COMMD1: variants seen among roughly 807,000 people sequenced by gnomAD.
COMMD1 encodes copper metabolism domain containing 1.
COMMD1 carries 10 observed loss-of-function variants against 17.2 expected under a neutral mutation model. The ratio of observed to expected loss-of-function variants is 0.58; its 90% CI spans 0.36 to 0.99. The LOEUF is 0.99. COMMD1 is among the 50% of genes least tolerant of loss of function. The pLI, the probability that COMMD1 is intolerant of heterozygous loss-of-function variation, is 0.01. For missense variants in COMMD1, 270 were observed against 231.8 expected (o/e 1.17, Z -1.07); for synonymous variants, 97 against 91.6 (o/e 1.06, Z -0.34).
At chr2:61,903,756 GGTCTC>G (rs1367709154), upstream of COMMD1, among the ~76,000 whole-genome samples, 2 of 151,748 alleles carry the variant, frequency 1.3e-5, no homozygotes, top group Non-Finnish European at 2.9e-5. Context: ...TGGCCAGGCT[GGTCTC>G]GATCTCCTGA....
chr2:62,036,051 C>A (rs1402673133), intron 2 of COMMD1, among the ~76,000 whole-genome samples: 1 of 142,146 alleles, frequency 7.0e-6, no homozygotes, highest in Non-Finnish European at 1.5e-5. Context: ...GAGACCCTGT[C>A]TCTCACACAC....
At chr2:61,916,381 C>T (rs955826010) in intron 1 of COMMD1, among the ~76,000 whole-genome samples, 3 of 152,102 alleles carry the variant, frequency 2.0e-5, no homozygotes, top group Non-Finnish European at 4.4e-5. Flanking sequence ...CTTTCAGACA[C>T]AAGGTGGAGT....
In COMMD1 at chr2:62,095,683, A is replaced by G. The variant is rs189127063; in HGVS notation, c.463-40148A>G. Among the ~76,000 whole-genome samples the G allele has an allele frequency of 5.3e-3, 796 of 151,384 alleles. 6 individuals are homozygous for G. The highest frequency in any genetic ancestry group is 0.018 in the African/African-American group (758 of 41,136). Reference sequence around the variant, plus strand: ...TGACTCAGAATCCCTTGCTACTGTTAGTGAAAACCTAAATAACAAGATAAT... The same window carrying G: ...TGACTCAGAATCCCTTGCTACTGTTGGTGAAAACCTAAATAACAAGATAAT... On this transcript the variant is annotated intron_variant, in intron 2 of 2. Transcript: ENST00000311832.
chr2:61,911,096 AT>A lies in COMMD1; in HGVS notation c.180+5249del, dbSNP rs1409518876. ...GAAACCCCATCTAAAAAAAAAAAAA[AT>A]TTTTTTTTTTAATGAAAATTCTCCT... is the stretch of plus-strand genomic sequence containing the variant. On this transcript the variant is annotated intron_variant, in intron 1 of 2. Coordinates refer to ENST00000311832, the MANE Select transcript of COMMD1 (RefSeq NM_152516.4). Among the ~76,000 whole-genome samples the A allele has an allele frequency of 3.5e-4, 51 of 146,832 alleles. 3 individuals carry two copies. Among genetic ancestry groups the A allele is most frequent in the African/African-American group, 4.7e-4 (19 of 40,116 alleles).
chr2:62,114,535 T>A (rs746215850), intron 2 of COMMD1, among the ~76,000 whole-genome samples: 1 of 152,198 alleles, frequency 6.6e-6, no homozygotes, highest in Non-Finnish European at 1.5e-5. Flanking sequence ...ATTTGAGTAC[T>A]CTCCTCTTCT....
At chr2:62,053,342 G>T (rs1670592954) in intron 2 of COMMD1, among the ~76,000 whole-genome samples, 2 of 151,700 alleles carry the variant, frequency 1.3e-5, no homozygotes, top group South Asian at 2.1e-4. Flanking sequence ...TATTTGTGGG[G>T]TTTTTTTAGT....
chr2:61,889,342 G>T (rs533446053), intron 1 of COMMD1, among the ~76,000 whole-genome samples: 19 of 150,812 alleles, frequency 1.3e-4, no homozygotes, highest in Non-Finnish European at 2.8e-4. Context: ...AACTAGCCAG[G>T]ACGACAGGTG....
chr2:62,030,460 C>T lies in COMMD1; in HGVS notation c.462+29478C>T, dbSNP rs926879789. On this transcript the variant is annotated intron_variant, in intron 2 of 2. Coordinates refer to ENST00000311832, the MANE Select transcript of COMMD1 (RefSeq NM_152516.4). Reference sequence around the variant, plus strand: ...AGCTCCAGTAGATGTTTAGCAGCATCGCAGGTCTCTAGCCACTAGTCAACA... The same window carrying T: ...AGCTCCAGTAGATGTTTAGCAGCATTGCAGGTCTCTAGCCACTAGTCAACA... Among the ~76,000 whole-genome samples, 8 of 152,090 alleles carry T rather than the reference C, an allele frequency of 5.3e-5. No homozygotes were observed. The South Asian group carries it at 1.0e-3, about 20-fold the overall frequency.
At chr2:62,134,617 A>AT (rs1012536213) in intron 2 of COMMD1, among the ~76,000 whole-genome samples, 18 of 117,960 alleles carry the variant, frequency 1.5e-4, no homozygotes, top group Admixed American at 7.2e-4. Context: ...AAAAAAAAAA[A>AT]TTTTTTTTTT....
chr2:61,936,319 A>G (rs542976415), intron 1 of COMMD1, among the ~76,000 whole-genome samples: 1 of 152,234 alleles, frequency 6.6e-6, no homozygotes, highest in African/African-American at 2.4e-5. Flanking sequence ...TGAGGCAGTC[A>G]CTTATGTTGA....
At chr2:62,082,929 T>TC (rs1403276986) in intron 2 of COMMD1, among the ~76,000 whole-genome samples, 4 of 152,006 alleles carry the variant, frequency 2.6e-5, no homozygotes, top group African/African-American at 7.3e-5. Flanking sequence ...GCTATCCAAT[T>TC]CCCCTTTTTA....
intron 2 of COMMD1, among the ~76,000 whole-genome samples, chr2:62,099,571 CTCTT>C (rs1305128414): frequency 6.1e-4 from 92 of 151,670 alleles, no homozygotes; most frequent in Non-Finnish European, 6.6e-4. Context: ...TGCTATCTCT[CTCTT>C]TTTTTTTTTT....
intron 2 of COMMD1, chr2:62,055,416 C>G: frequency 2.2e-6 from 1 of 455,960 alleles, no homozygotes; most frequent in South Asian, 1.5e-5. Context: ...AAAGAAAATA[C>G]CAAGAGTTCT....
intron 1 of COMMD1, among the ~76,000 whole-genome samples, chr2:61,896,477 A>G (rs1311946072): frequency 6.6e-6 from 1 of 152,056 alleles, no homozygotes; most frequent in Non-Finnish European, 1.5e-5. Context: ...GCTACTCGAG[A>G]GGCTGAGGCA....
intron 2 of COMMD1, among the ~76,000 whole-genome samples, chr2:62,021,916 G>A (rs1220044529): frequency 6.6e-6 from 1 of 152,050 alleles, no homozygotes; most frequent in African/African-American, 2.4e-5. Context: ...CTTGATTTGT[G>A]TTTTCTTCTG....
chr2:61,941,037 A>G (rs1265622486), intron 1 of COMMD1, among the ~76,000 whole-genome samples: 1 of 128,002 alleles, frequency 7.8e-6, no homozygotes, highest in Non-Finnish European at 1.7e-5. Context: ...TTTGTTAATA[A>G]CCCCCCCTTT....
Position 62,043,790 on chromosome 2 carries a change from G to A in COMMD1, c.462+42808G>A, listed in dbSNP as rs150428173. Among the ~76,000 whole-genome samples, 926 of 152,214 alleles carry A rather than the reference G, an allele frequency of 6.1e-3. 9 individuals are homozygous for A. The highest frequency in any genetic ancestry group is 0.021 in the African/African-American group (867 of 41,536). On this transcript the variant is annotated intron_variant, in intron 2 of 2. Transcript: ENST00000311832. ...AAGATCAGTGGTAATTTGCTTTTTGGTAACCATGAGAACATTAAGCCATTT... is the reference window on the plus strand; with the variant it reads ...AAGATCAGTGGTAATTTGCTTTTTGATAACCATGAGAACATTAAGCCATTT...
intron 2 of COMMD1, among the ~76,000 whole-genome samples, chr2:62,085,815 T>C (rs898131795): frequency 2.0e-5 from 3 of 150,456 alleles, no homozygotes; most frequent in Admixed American, 1.3e-4. Flanking sequence ...CCGTCTCTAC[T>C]AAAAAAATAC....
chr2:61,947,716 CTTTTT>C (rs543333587), intron 1 of COMMD1, among the ~76,000 whole-genome samples: 10 of 132,260 alleles, frequency 7.6e-5, no homozygotes, highest in Admixed American at 6.9e-4. Context: ...TTTTTTTGTA[CTTTTT>C]TTTTTTTTTT....
Sources: allele counts gnomAD v4.1 joint callset (sites outside exome capture counted in the v4.1 genomes callset), GRCh38; gene constraint gnomAD v4.1.1; transcripts MANE v1.5; gene names NCBI Gene and HGNC (gene_info 2026-07-23, HGNC 2026-07-21).